The following LRCH2 variants were observed in gnomAD, a reference collection of about 807,000 sequenced individuals.
LRCH2 encodes the protein leucine-rich repeat and calponin homology domain-containing protein 2.
In LRCH2, 38 loss-of-function variants were observed where a neutral mutation model predicts 68.9. The ratio of observed to expected loss-of-function variants is 0.55; its 90% CI spans 0.43 to 0.72. The LOEUF (loss-of-function observed/expected upper bound fraction) is 0.72. Among genes scored for constraint, LRCH2 ranks in the 30% least tolerant of loss-of-function variants. The probability of loss-of-function intolerance (pLI) is 0.00; values close to 1 mark genes in which losing one functional copy is unlikely to be tolerated. For missense variants in LRCH2, 528 were observed against 572.9 expected (o/e 0.92, Z 0.80); for synonymous variants, 191 against 208.1 (o/e 0.92, Z 0.71).
At chrX:115,183,652 T>G (rs1453852863) in intron 3 of LRCH2, among the ~76,000 whole-genome samples, 1 of 110,601 alleles carries the variant, frequency 9.0e-6, no homozygotes, top group East Asian at 2.8e-4. Context: ...CAAGATCATG[T>G]CACTACACAC....
chrX:115,191,669 G>A (rs1160424068), intron 1 of LRCH2: 7 of 1,159,005 alleles, frequency 6.0e-6, no homozygotes, highest in Non-Finnish European at 8.0e-6. Context: ...CACTATGGAG[G>A]AGGAGGTCGC....
intron 14 of LRCH2, among the ~76,000 whole-genome samples, chrX:115,144,466 G>C (rs1184540118): frequency 9.3e-6 from 1 of 107,843 alleles, no homozygotes; most frequent in African/African-American, 3.4e-5. Flanking sequence ...AATCAGACAA[G>C]AGAAAGAAAT....
At chrX:115,164,734 T>C (rs1242499536) in intron 10 of LRCH2, among the ~76,000 whole-genome samples, 1 of 111,154 alleles carries the variant, frequency 9.0e-6, no homozygotes, top group Non-Finnish European at 1.9e-5. Context: ...GTATCTACCC[T>C]ACAGGATTTT....
chrX:115,232,140 G>T (rs1360419549), intron 1 of LRCH2, among the ~76,000 whole-genome samples: 1 of 110,003 alleles, frequency 9.1e-6, no homozygotes, highest in Non-Finnish European at 1.9e-5. Flanking sequence ...GGGGAATAAG[G>T]TTGCAACAAT....
At chrX:115,223,755 GAA>G (rs140221934) in intron 1 of LRCH2, among the ~76,000 whole-genome samples, 3 of 97,091 alleles carry the variant, frequency 3.1e-5, no homozygotes. Context: ...GTCTCTACTG[GAA>G]AAAAAAAAAA....
intron 12 of LRCH2, 68 bp from the exon 13 acceptor site, chrX:115,150,138 C>T: frequency 1.3e-6 from 1 of 787,752 alleles, no homozygotes; most frequent in Non-Finnish European, 1.7e-6. Context: ...ATATTATGAA[C>T]CTTAGATGTT....
At position 115,111,779 on chromosome X, in the gene LRCH2, A is replaced by G. The variant is rs1396940112; in HGVS notation, c.*1437T>C. 2 of 94,860 alleles carry G rather than the reference A, an allele frequency of 2.1e-5. No individual in the cohort carries two copies. Among genetic ancestry groups the G allele is most frequent in the African/African-American group, 9.1e-5 (2 of 22,088 alleles). The allele number at this position is 94,860 out of a possible 1,213,427, so 7.8% of individuals were successfully genotyped here. On this transcript the variant is annotated 3_prime_UTR_variant, in exon 21 of 21. Transcript: ENST00000317135. ...AAAAAAGTACAGTTGTTCCTATACC[A>G]TTTGGCACACTAGTTTTTTACCTTT...
chrX:115,191,258 G>T, intron 1 of LRCH2: 2 of 1,154,009 alleles, frequency 1.7e-6, no homozygotes, highest in South Asian at 3.9e-5. Flanking sequence ...AGTGGAGGCC[G>T]CTCGCCCAAT....
intron 10 of LRCH2, 99 bp from the exon 11 acceptor site, chrX:115,163,882 T>G: frequency 1.9e-6 from 1 of 535,485 alleles, no homozygotes; most frequent in East Asian, 3.7e-5. Context: ...TAACACCATA[T>G]GAAAGTTAAA....
At chrX:115,191,583 C>G (rs2072822981) in intron 1 of LRCH2, 2 of 1,083,750 alleles carry the variant, frequency 1.8e-6, no homozygotes, top group Non-Finnish European at 2.4e-6. Flanking sequence ...ACCGAGGCCA[C>G]TCGCTTGATG....
intron 20 of LRCH2, among the ~76,000 whole-genome samples, chrX:115,120,988 A>G (rs1176536481): frequency 1.1e-5 from 1 of 93,007 alleles, no homozygotes; most frequent in East Asian, 3.5e-4. Flanking sequence ...ACATGGACAC[A>G]GGAAGGGGAA....
intron 14 of LRCH2, among the ~76,000 whole-genome samples, chrX:115,142,395 G>A (rs1353967202): frequency 1.8e-5 from 2 of 111,990 alleles, no homozygotes; most frequent in African/African-American, 6.5e-5. Context: ...TCATTCTCAA[G>A]GATAGACCAT....
intron 15 of LRCH2, among the ~76,000 whole-genome samples, chrX:115,129,140 C>T (rs782184819): frequency 8.9e-6 from 1 of 111,850 alleles, no homozygotes; most frequent in African/African-American, 3.3e-5. Flanking sequence ...AGGGCTTGAA[C>T]CTCAGGGGAG....
At chrX:115,128,922 G>A (rs1248890314) in intron 15 of LRCH2, among the ~76,000 whole-genome samples, 2 of 111,904 alleles carry the variant, frequency 1.8e-5, no homozygotes, top group Admixed American at 9.5e-5. Context: ...TGACCCAGGC[G>A]ACAGTATTGT....
At chrX:115,210,393 A>C (rs2072998602) in intron 1 of LRCH2, among the ~76,000 whole-genome samples, 2 of 112,259 alleles carry the variant, frequency 1.8e-5, no homozygotes, top group African/African-American at 6.5e-5. Context: ...GCAAGCCCCA[A>C]GCCTTGGCAG....
At chrX:115,197,056 C>G (rs982090963) in intron 1 of LRCH2, among the ~76,000 whole-genome samples, 1 of 110,954 alleles carries the variant, frequency 9.0e-6, no homozygotes, top group African/African-American at 3.3e-5. Context: ...ACAAATTATA[C>G]AGAGTCTTCA....
chrX:115,120,827 A>G (rs1238642213), intron 20 of LRCH2, among the ~76,000 whole-genome samples: 1 of 108,342 alleles, frequency 9.2e-6, no homozygotes, highest in African/African-American at 3.4e-5. Context: ...TACGCCATGG[A>G]ATACTATGCA....
chrX:115,179,711 AT>A lies in LRCH2; in HGVS notation c.661del (p.Met221TrpfsTer10). 8.6e-7 allele frequency: 1 copy of A among 1,164,166 alleles called. No individual in the cohort carries two copies. The highest frequency in any genetic ancestry group is 2.7e-5 in the Admixed American group (1 of 37,235). On this transcript the variant is annotated frameshift_variant, in exon 4 of 21. Transcript: ENST00000317135. LOFTEE classifies it high-confidence loss of function. ...CTCTCTAAGTGAATGTAATTTTCCC[AT>A]TTGTTGGGGAAGGACTTGAATCTCA... ...CNEIQVLPQQ[M>X]GKLHSLRELN... is the part of the protein sequence containing the mutation.
At chrX:115,144,002 C>G (rs2072361069) in intron 14 of LRCH2, among the ~76,000 whole-genome samples, 1 of 111,867 alleles carries the variant, frequency 8.9e-6, no homozygotes, top group Admixed American at 9.5e-5. Flanking sequence ...AATTGTAACT[C>G]ACACGATTCA....
Sources: gnomAD v4.1 joint callset for allele counts (sites outside exome capture counted in the v4.1 genomes callset) on GRCh38, gnomAD v4.1.1 for gene constraint, MANE v1.5 for transcripts, NCBI Gene and HGNC (gene_info 2026-07-23, HGNC 2026-07-21) for gene names.